The following SGSM1 variants were observed in gnomAD, a reference collection of about 807,000 sequenced individuals.
SGSM1 encodes small G protein signaling modulator 1.
In SGSM1, 73 loss-of-function variants were observed where a neutral mutation model predicts 133.8. That is an observed-to-expected ratio of 0.55 (90% confidence interval 0.45 to 0.66). The LOEUF (loss-of-function observed/expected upper bound fraction) is 0.66. Ranked by LOEUF, SGSM1 falls within the 30% of genes least tolerant of loss-of-function variation. The pLI is 0.00. For missense variants in SGSM1, 1,213 were observed against 1,448.1 expected, an observed-to-expected ratio of 0.84 and a Z score of 2.64; for synonymous variants, 563 against 573.0, an observed-to-expected ratio of 0.98 and a Z score of 0.25.
At chr22:24,875,309 T>C (rs1439630905) in intron 12 of SGSM1, among the ~76,000 whole-genome samples, 1 of 152,082 alleles carries the variant, frequency 6.6e-6, no homozygotes, top group Non-Finnish European at 1.5e-5. Flanking sequence ...AAAAGGAGAG[T>C]AATATTTTGT....
chr22:24,858,571 C>T (rs962334155), intron 8 of SGSM1, among the ~76,000 whole-genome samples: 14 of 148,774 alleles, frequency 9.4e-5, no homozygotes, highest in South Asian at 6.4e-4. Flanking sequence ...GGGAAGCAGA[C>T]GTTGCAGTGA....
At chr22:24,882,513 T>C (rs949483498) in intron 14 of SGSM1, among the ~76,000 whole-genome samples, 4 of 152,240 alleles carry the variant, frequency 2.6e-5, no homozygotes, top group African/African-American at 9.6e-5. Context: ...TTATCTTCAT[T>C]TGGAGAACGT....
intron 5 of SGSM1, among the ~76,000 whole-genome samples, chr22:24,851,639 G>A (rs930322511): frequency 6.6e-6 from 1 of 152,130 alleles, no homozygotes; most frequent in African/African-American, 2.4e-5. Context: ...TGAAGTTCAC[G>A]TGCTTGTAAG....
intron 22 of SGSM1, among the ~76,000 whole-genome samples, chr22:24,914,482 CAA>C (rs139769): frequency 6.7e-6 from 1 of 148,224 alleles, no homozygotes; most frequent in African/African-American, 2.5e-5. Flanking sequence ...TCCCCCCCCC[CAA>C]AAAAAAATTA....
At chr22:24,868,585 A>G in intron 11 of SGSM1, 46 bp downstream of exon 11, 1 of 1,612,788 alleles carries the variant, frequency 6.2e-7, no homozygotes, top group South Asian at 1.1e-5. Context: ...GAGGCTGGTC[A>G]CAGAGGGTGG....
chr22:24,922,787 C>T (rs1236027679), intron 24 of SGSM1, among the ~76,000 whole-genome samples: 1 of 152,180 alleles, frequency 6.6e-6, no homozygotes, highest in Non-Finnish European at 1.5e-5. Flanking sequence ...ATGGCACTTA[C>T]TTTCTGTTGC....
intron 2 of SGSM1, among the ~76,000 whole-genome samples, chr22:24,837,570 A>C: frequency 9.1e-6 from 1 of 110,158 alleles, no homozygotes; most frequent in Non-Finnish European, 1.8e-5. Context: ...TCCCCCGGGG[A>C]AAGGGAGACC....
chr22:24,918,104 A>C (rs1265241775), intron 23 of SGSM1, among the ~76,000 whole-genome samples: 1 of 152,196 alleles, frequency 6.6e-6, no homozygotes, highest in East Asian at 1.9e-4. Context: ...TCTAAAGCCC[A>C]TGAAGCAGGG....
intron 2 of SGSM1, among the ~76,000 whole-genome samples, chr22:24,830,340 C>T (rs1929042343): frequency 6.6e-6 from 1 of 152,146 alleles, no homozygotes; most frequent in Non-Finnish European, 1.5e-5. Flanking sequence ...CAGATCCATT[C>T]CCAGGGTAAG....
At position 24,831,160 on chromosome 22, in the gene SGSM1, G is replaced by A. The variant is rs878878921; in HGVS notation, c.64-13737G>A. On this transcript the variant is annotated intron_variant, in intron 2 of 24. Transcript: ENST00000400358. ...GCGTGCAGGAGGGTTAGGAGGAGGT[G>A]CTCTTAGGATCAACACCAGGAGGTG... Among the ~76,000 whole-genome samples the A allele has an allele frequency of 9.2e-5, 14 of 152,048 alleles. No homozygotes were observed. The South Asian group carries it at 2.9e-3, about 32-fold the overall frequency.
intron 2 of SGSM1, among the ~76,000 whole-genome samples, chr22:24,828,018 C>T (rs1928896622): frequency 6.6e-6 from 1 of 151,970 alleles, no homozygotes; most frequent in Non-Finnish European, 1.5e-5. Context: ...CTTTGTGGAC[C>T]CCTATCTCCT....
intron 20 of SGSM1, among the ~76,000 whole-genome samples, chr22:24,903,858 G>C (rs530161714): frequency 6.6e-6 from 1 of 151,996 alleles, no homozygotes; most frequent in African/African-American, 2.4e-5. Flanking sequence ...TGTAATCCCA[G>C]CTACTCAGGA....
chr22:24,892,190 G>C (rs543465313), intron 16 of SGSM1, among the ~76,000 whole-genome samples: 1 of 152,206 alleles, frequency 6.6e-6, no homozygotes, highest in East Asian at 1.9e-4. Flanking sequence ...GCTTGGAGGA[G>C]TCTCAGGGAG....
chr22:24,893,707 T>A, intron 17 of SGSM1, 94 bp downstream of exon 17: 2 of 1,316,200 alleles, frequency 1.5e-6, no homozygotes, highest in Non-Finnish European at 2.0e-6. Flanking sequence ...ACTGGGTGTC[T>A]GGGGCCTGGT....
At position 24,870,076 on chromosome 22, in the gene SGSM1, T is replaced by C. The variant is rs147693103; in HGVS notation, c.1291+1221T>C. ...GCTGAAGCAGCCACGTGCTGGGCAGTGAGAGGCTCTTTTGAGAGCAGATGT... is the reference window on the plus strand; with the variant it reads ...GCTGAAGCAGCCACGTGCTGGGCAGCGAGAGGCTCTTTTGAGAGCAGATGT... On this transcript the variant is annotated intron_variant, in intron 12 of 24. Coordinates refer to ENST00000400358, the MANE Select transcript of SGSM1 (RefSeq NM_001098497.3). Among the ~76,000 whole-genome samples the C allele has an allele frequency of 9.9e-3, 1,510 of 152,298 alleles. 14 individuals are homozygous for C. The highest frequency in any genetic ancestry group is 0.034 in the African/African-American group (1,423 of 41,556).
intron 2 of SGSM1, 94 bp downstream of exon 2, chr22:24,806,578 G>T: frequency 7.2e-7 from 1 of 1,394,274 alleles, no homozygotes; most frequent in South Asian, 1.4e-5. Context: ...CTCTGGCGGC[G>T]GGGGGGCGGC....
At chr22:24,920,130 G>T in intron 24 of SGSM1, 137 bp downstream of exon 24, 2 of 935,520 alleles carry the variant, frequency 2.1e-6, no homozygotes, top group Non-Finnish European at 3.1e-6. Context: ...ACTTCTTATG[G>T]CTATTTCCAA....
chr22:24,921,130 C>T (rs1933991909), intron 24 of SGSM1, among the ~76,000 whole-genome samples: 3 of 150,760 alleles, frequency 2.0e-5, no homozygotes, highest in Non-Finnish European at 4.4e-5. Flanking sequence ...GACGGAGTCT[C>T]ACTCTGTTAC....
In SGSM1 at chr22:24,806,450, C is replaced by T. The variant is rs1455064875; in HGVS notation, c.29C>T (p.Thr10Ile). ...GTTTCTTGTCCCACAGAGGCGGAGA[C>T]CCGACAGAGGCTGCTACGCACCGTC... MASAPAEAE[T>I]RQRLLRTVKK... The change falls in exon 2 of 25, where the codon ACC becomes ATC. Residue 10 changes from threonine (T) to isoleucine (I), a missense_variant. By Grantham distance (89) the Thr-to-Ile change is moderately conservative (BLOSUM62 -1). Coordinates refer to ENST00000400358, the MANE Select transcript of SGSM1 (RefSeq NM_001098497.3). The T allele has an allele frequency of 3.9e-6, 6 of 1,523,810 alleles. No homozygotes were observed. Among genetic ancestry groups the T allele is most frequent in the Non-Finnish European group, 5.3e-6 (6 of 1,135,462 alleles). The allele number at this position is 1,523,810 out of a possible 1,614,324, so 94.4% of individuals were successfully genotyped here. A position where few individuals can be genotyped will look rare whatever the true frequency, so the allele number is the denominator to read the frequency against.
Sources: gnomAD v4.1 joint callset for allele counts (sites outside exome capture counted in the v4.1 genomes callset) on GRCh38, gnomAD v4.1.1 for gene constraint, MANE v1.5 for transcripts, NCBI Gene and HGNC (gene_info 2026-07-23, HGNC 2026-07-21) for gene names.